SLC39A9: variants seen among roughly 807,000 people sequenced by gnomAD.
SLC39A9 encodes solute carrier family 39 member 9, also known as zinc transporter ZIP9.
SLC39A9 carries 14 observed loss-of-function variants against 28.4 expected under a neutral mutation model. The observed-to-expected ratio is 0.49, with a 90% confidence interval of 0.33 to 0.77. The LOEUF is 0.77. Among genes scored for constraint, SLC39A9 ranks in the 30% least tolerant of loss-of-function variants. The probability of loss-of-function intolerance (pLI) is 0.02; values close to 1 mark genes in which losing one functional copy is unlikely to be tolerated. For synonymous variants in SLC39A9, 119 were observed against 149.6 expected, an observed-to-expected ratio of 0.80 and a Z score of 1.49; for missense variants, 283 against 381.1, an observed-to-expected ratio of 0.74 and a Z score of 2.14.
At chr14:69,400,898 A>G (rs767865956) in intron 1 of SLC39A9, among the ~76,000 whole-genome samples, 3 of 151,840 alleles carry the variant, frequency 2.0e-5, no homozygotes, top group Non-Finnish European at 4.4e-5. Context: ...GCGCGCCTGT[A>G]GTCCTAGCTA....
intron 6 of SLC39A9, among the ~76,000 whole-genome samples, chr14:69,456,140 G>A (rs918554545): frequency 1.2e-4 from 18 of 152,076 alleles, no homozygotes; most frequent in Admixed American, 1.0e-3. Flanking sequence ...ATAGTATAAC[G>A]TAACCAGCCA....
At chr14:69,435,460 T>C (rs1048414291) in intron 2 of SLC39A9, among the ~76,000 whole-genome samples, 23 of 152,224 alleles carry the variant, frequency 1.5e-4, no homozygotes, top group African/African-American at 5.5e-4. Flanking sequence ...TTCTTACAGA[T>C]GGCATATAGT....
intron 2 of SLC39A9, chr14:69,441,863 G>A (rs531379198): frequency 6.3e-5 from 85 of 1,348,644 alleles, no homozygotes; most frequent in Non-Finnish European, 7.6e-5. Context: ...CAGAAGGTCT[G>A]CATGCCAAAG....
chr14:69,450,112 C>T (rs549557793), intron 3 of SLC39A9, among the ~76,000 whole-genome samples: 1 of 152,130 alleles, frequency 6.6e-6, no homozygotes, highest in South Asian at 2.1e-4. Context: ...TCGCTTGAAC[C>T]TGGGAGACAG....
chr14:69,429,045 G>T (rs888543485), intron 2 of SLC39A9: 5 of 152,138 alleles, frequency 3.3e-5, no homozygotes, highest in African/African-American at 1.2e-4. Flanking sequence ...CAGCTTTATA[G>T]TCCTGATTTG....
chr14:69,398,636 C>A, upstream of SLC39A9: 1 of 268,508 alleles, frequency 3.7e-6, no homozygotes, highest in Non-Finnish European at 7.3e-6. Context: ...CGGTTGTAAC[C>A]CGGAAGTGCC....
chr14:69,440,038 G>A (rs1884966776), intron 2 of SLC39A9, among the ~76,000 whole-genome samples: 1 of 152,186 alleles, frequency 6.6e-6, no homozygotes, highest in African/African-American at 2.4e-5. Context: ...CAATCGTGGC[G>A]GAAAGCAAAG....
intron 1 of SLC39A9, among the ~76,000 whole-genome samples, chr14:69,410,327 T>C (rs1883196091): frequency 6.6e-6 from 1 of 152,224 alleles, no homozygotes; most frequent in Non-Finnish European, 1.5e-5. Flanking sequence ...ACTGGAACTT[T>C]CATTATTCTT....
intron 1 of SLC39A9, among the ~76,000 whole-genome samples, chr14:69,403,423 C>T (rs1882744310): frequency 6.6e-6 from 1 of 152,146 alleles, no homozygotes; most frequent in Non-Finnish European, 1.5e-5. Context: ...TGTCACAGAG[C>T]TGGTAACAGA....
intron 2 of SLC39A9, among the ~76,000 whole-genome samples, chr14:69,430,906 C>T (rs1244144742): frequency 1.3e-5 from 2 of 152,148 alleles, no homozygotes; most frequent in Non-Finnish European, 2.9e-5. Flanking sequence ...AGGTGTGAGC[C>T]ACCCCAGCCA....
In SLC39A9 at chr14:69,460,723, C is replaced by T. The variant is rs1050889194; in HGVS notation, c.*2130C>T. 4 of 985,344 alleles carry T rather than the reference C, an allele frequency of 4.1e-6. No individual in the cohort carries two copies. In the African/African-American group the frequency reaches 7.0e-5, roughly 17 times the overall value. 61.0% of individuals were successfully genotyped at this position (985,344 alleles called of 1,614,324 possible). A position where few individuals can be genotyped will look rare whatever the true frequency, so the allele number is the denominator to read the frequency against. On this transcript the variant is annotated 3_prime_UTR_variant, in exon 7 of 7. Transcript: ENST00000336643. The stretch of plus-strand genomic sequence containing the variant: ...CGGCAAGGATTGAACCATCTGACTT[C>T]CAAATTTGCCTTCCCCTCTGGACCT...
chr14:69,417,095 A>G (rs1883618362), intron 1 of SLC39A9, among the ~76,000 whole-genome samples: 2 of 152,032 alleles, frequency 1.3e-5, no homozygotes, highest in Admixed American at 1.3e-4. Flanking sequence ...TAGGGTTTTT[A>G]TGGTTTTAGG....
intron 3 of SLC39A9, among the ~76,000 whole-genome samples, chr14:69,452,101 G>A (rs1885639302): frequency 1.3e-5 from 2 of 152,302 alleles, no homozygotes; most frequent in South Asian, 4.1e-4. Flanking sequence ...AAGCTGAGAA[G>A]TTCAGTATGT....
At chr14:69,456,886 C>G (rs1318262661) in intron 6 of SLC39A9, among the ~76,000 whole-genome samples, 1 of 152,156 alleles carries the variant, frequency 6.6e-6, no homozygotes, top group Non-Finnish European at 1.5e-5. Flanking sequence ...ATCTTAGATG[C>G]TAAGAGTGTG....
Position 69,458,679 on chromosome 14 carries a change from CTT to C in SLC39A9, c.*87_*88del, listed in dbSNP as rs1885982363. On this transcript the variant is annotated 3_prime_UTR_variant, in exon 7 of 7. Transcript: ENST00000336643. ...TGACAGCTACTCACTTCCTCAGTCT[CTT>C]GTCTCACCTTGCGCATCTCTACATG... The C allele has an allele frequency of 2.1e-6, 3 of 1,461,320 alleles. No individual in the cohort carries two copies. Among genetic ancestry groups the C allele is most frequent in the Middle Eastern group, 2.0e-4 (1 of 4,994 alleles). 90.5% of individuals were successfully genotyped at this position (1,461,320 alleles called of 1,614,324 possible).
At chr14:69,404,662 T>C (rs1483911192) in intron 1 of SLC39A9, among the ~76,000 whole-genome samples, 2 of 152,192 alleles carry the variant, frequency 1.3e-5, no homozygotes, top group African/African-American at 2.4e-5. Flanking sequence ...GGCAATTTGT[T>C]TGGAATCCAA....
intron 3 of SLC39A9, among the ~76,000 whole-genome samples, chr14:69,451,096 G>A (rs772053694): frequency 6.6e-6 from 1 of 152,174 alleles, no homozygotes; most frequent in Non-Finnish European, 1.5e-5. Flanking sequence ...AAAAAGGCCA[G>A]AGCCAGCTTG....
At chr14:69,424,033 G>C (rs2140274841) in intron 1 of SLC39A9, 61 bp from the exon 2 acceptor site, 1 of 1,257,800 alleles carries the variant, frequency 8.0e-7, no homozygotes, top group South Asian at 1.2e-5. Flanking sequence ...ACAGATACTT[G>C]AGAAACTTTT....
At position 69,414,722 on chromosome 14, in the gene SLC39A9, A is replaced by G. The variant is rs138257188; in HGVS notation, c.97-9372A>G. Among the ~76,000 whole-genome samples the G allele has an allele frequency of 4.7e-3, 723 of 152,334 alleles. 7 individuals carry two copies. The highest frequency in any genetic ancestry group is 4.7e-3 in the Non-Finnish European group (321 of 68,028). On this transcript the variant is annotated intron_variant, in intron 1 of 6. Transcript: ENST00000336643. Reference sequence around the variant, plus strand: ...AAATGTTTACAAATGTAACATCCCAATCAAGATTTAGAACATATCTGTTAT... The same window carrying G: ...AAATGTTTACAAATGTAACATCCCAGTCAAGATTTAGAACATATCTGTTAT...
Sources: gnomAD v4.1 joint callset for allele counts (sites outside exome capture counted in the v4.1 genomes callset) on GRCh38, gnomAD v4.1.1 for gene constraint, MANE v1.5 for transcripts, NCBI Gene and HGNC (gene_info 2026-07-23, HGNC 2026-07-21) for gene names.